KLHL5: variants seen among roughly 807,000 people sequenced by gnomAD.
KLHL5 encodes the protein kelch-like protein 5.
A neutral mutation model predicts 77.7 loss-of-function variants in KLHL5; 48 were observed. The ratio of observed to expected loss-of-function variants is 0.62; its 90% CI spans 0.49 to 0.79. The LOEUF (loss-of-function observed/expected upper bound fraction) is 0.79. Ranked by LOEUF, KLHL5 falls within the 30% of genes least tolerant of loss-of-function variation. KLHL5 has a pLI of 0.00. For missense variants in KLHL5, 723 were observed against 859.7 expected (o/e 0.84, Z 1.99); for synonymous variants, 260 against 297.0 (o/e 0.88, Z 1.28).
At chr4:39,140,338 T>G in the KLHL5 span, among the ~76,000 whole-genome samples, 1 of 152,206 alleles carries the variant, frequency 6.6e-6, no homozygotes, top group East Asian at 1.9e-4. Context: ...AATGGCTCTG[T>G]GAATTAGATG....
At chr4:39,114,205 G>C (rs28405689) in intron 9 of KLHL5, among the ~76,000 whole-genome samples, 1,878 of 152,244 alleles carry the variant, frequency 0.012, 48 homozygotes, top group African/African-American at 0.042. Flanking sequence ...CTCCAGGCTG[G>C]GAAGTTCAAG....
In KLHL5 at chr4:39,076,022, A is replaced by G. The variant is rs752771424; in HGVS notation, c.441A>G (p.Ser147=). The G allele has an allele frequency of 6.2e-7, 1 of 1,612,756 alleles. No homozygotes were observed. Among genetic ancestry groups the G allele is most frequent in the Non-Finnish European group, 8.5e-7 (1 of 1,179,622 alleles). ...SSCHTMEPCT[S]DEFFQALNHA... is the part of the protein sequence containing the mutation. ...GTCATACTATGGAGCCATGTACATC[A>G]GATGAATTTTTCCAAGCCCTTAATC... is the stretch of plus-strand genomic sequence containing the variant. Residue 147 remains serine (S), a synonymous_variant, in exon 2 of 11, where the codon TCA becomes TCG. Transcript: ENST00000504108.
At chr4:39,055,600 T>A (rs1445380258) in intron 1 of KLHL5, among the ~76,000 whole-genome samples, 1 of 152,178 alleles carries the variant, frequency 6.6e-6, no homozygotes, top group Non-Finnish European at 1.5e-5. Context: ...TTTAAAGGAA[T>A]GTATTTATTA....
At chr4:39,055,686 CAG>C (rs1318558765) in intron 1 of KLHL5, among the ~76,000 whole-genome samples, 1 of 152,168 alleles carries the variant, frequency 6.6e-6, no homozygotes, top group African/African-American at 2.4e-5. Flanking sequence ...TCACTGTACT[CAG>C]AGTTCCAGGT....
intron 1 of KLHL5, among the ~76,000 whole-genome samples, chr4:39,052,246 G>A (rs779001558): frequency 9.2e-5 from 14 of 151,710 alleles, no homozygotes; most frequent in African/African-American, 1.9e-4. Flanking sequence ...TCAGCCTCCC[G>A]AGTAGCAGAG....
chr4:39,067,287 T>C (rs192929664), intron 1 of KLHL5, among the ~76,000 whole-genome samples: 1 of 152,266 alleles, frequency 6.6e-6, no homozygotes, highest in East Asian at 1.9e-4. Flanking sequence ...CCTTACTCAG[T>C]TGAGATTTGT....
At chr4:39,072,882 A>G (rs1406287932) in intron 1 of KLHL5, among the ~76,000 whole-genome samples, 1 of 152,202 alleles carries the variant, frequency 6.6e-6, no homozygotes, top group Non-Finnish European at 1.5e-5. Flanking sequence ...GCCATTGCAC[A>G]GGAAGGTGAC....
intron 1 of KLHL5, among the ~76,000 whole-genome samples, chr4:39,051,332 T>G (rs1716626255): frequency 6.7e-6 from 1 of 149,918 alleles, no homozygotes; most frequent in African/African-American, 2.5e-5. Context: ...AGATTAACTA[T>G]GGGGAGATGG....
chr4:39,047,804 T>C (rs1212075066), intron 1 of KLHL5, among the ~76,000 whole-genome samples: 1 of 152,244 alleles, frequency 6.6e-6, no homozygotes, highest in Non-Finnish European at 1.5e-5. Flanking sequence ...ATTTGTACTG[T>C]TAATTTACTG....
chr4:39,129,634 A>T (rs1723724025), downstream of KLHL5, among the ~76,000 whole-genome samples: 1 of 152,160 alleles, frequency 6.6e-6, no homozygotes, highest in African/African-American at 2.4e-5. The surrounding 1 kb of genome is among the most constrained non-coding windows in gnomAD (Gnocchi z 4.2). Flanking sequence ...CCCAACAGAT[A>T]GTTTTTCAGC....
intron 1 of KLHL5, among the ~76,000 whole-genome samples, chr4:39,067,123 C>A (rs1402014175): frequency 6.6e-6 from 1 of 152,060 alleles, no homozygotes; most frequent in Non-Finnish European, 1.5e-5. Flanking sequence ...ACCTAATGCC[C>A]TTTTTCTGTT....
chr4:39,076,089 C>T lies in KLHL5; in HGVS notation c.508C>T (p.His170Tyr), dbSNP rs1340396822. 1.9e-6 allele frequency: 3 copies of T among 1,607,316 alleles called. No homozygotes were observed. The highest frequency in any genetic ancestry group is 2.5e-6 in the Non-Finnish European group (3 of 1,178,306). ...TFKKMENYLRHKQLCDVILVA... is the reference protein window; with the variant it reads ...TFKKMENYLRYKQLCDVILVA... ...TAAAAAAATGGAAAACTATTTGAGACATAAACAGTTGTGTGATGTAATTTT... is the reference window on the plus strand; with the variant it reads ...TAAAAAAATGGAAAACTATTTGAGATATAAACAGTTGTGTGATGTAATTTT... Residue 170 changes from histidine to tyrosine, a missense_variant, in exon 2 of 11, where the codon CAT (histidine) becomes TAT (tyrosine). Transcript: ENST00000504108.
At chr4:39,067,135 G>A (rs1047713962) in intron 1 of KLHL5, among the ~76,000 whole-genome samples, 5 of 151,932 alleles carry the variant, frequency 3.3e-5, no homozygotes, top group East Asian at 1.9e-4. Context: ...TTTTCTGTTC[G>A]AGGATCCTAT....
Position 39,107,659 on chromosome 4 carries a change from C to T in KLHL5, c.1616C>T (p.Ala539Val). 6.2e-7 allele frequency: 1 copy of T among 1,612,728 alleles called. No homozygotes were observed. The highest frequency in any genetic ancestry group is 8.5e-7 in the Non-Finnish European group (1 of 1,179,010). ...ACAGTGGAAAGATGGGACCCTCAGG[C>T]TCGCCAGTGGAATTTTGTTGCCACT... ...LNTVERWDPQ[A>V]RQWNFVATMS... The change falls in exon 8 of 11, where the codon GCT becomes GTT. Residue 539 changes from alanine to valine, a missense_variant. By Grantham distance (64) the Ala-to-Val change is moderately conservative (BLOSUM62 0). Around this residue, in one of 3 missense-constraint regions of KLHL5, gnomAD observed 214 missense variants for 237.4 expected, o/e 0.90. Coordinates refer to ENST00000504108, the MANE Select transcript of KLHL5 (RefSeq NM_015990.5).
chr4:39,108,911 G>A (rs774985000), intron 8 of KLHL5, among the ~76,000 whole-genome samples: 2 of 152,018 alleles, frequency 1.3e-5, no homozygotes, highest in East Asian at 1.9e-4. Flanking sequence ...CCTGATTTCC[G>A]GACCTACCGT....
chr4:39,076,238 T>C (rs1719027642), intron 2 of KLHL5, 91 bp downstream of exon 2: 3 of 1,137,312 alleles, frequency 2.6e-6, no homozygotes, highest in Non-Finnish European at 3.8e-6. Context: ...TTGACTATTA[T>C]GTTTTTGGGA....
At chr4:39,066,575 G>C (rs532227653) in intron 1 of KLHL5, among the ~76,000 whole-genome samples, 73 of 152,058 alleles carry the variant, frequency 4.8e-4, no homozygotes, top group African/African-American at 1.4e-3. Flanking sequence ...CTTACAATGG[G>C]GTATGTCCCA....
At chr4:39,137,026 GA>G in the KLHL5 span, among the ~76,000 whole-genome samples, 1 of 152,164 alleles carries the variant, frequency 6.6e-6, no homozygotes, top group East Asian at 1.9e-4. Flanking sequence ...GAAAATGAAA[GA>G]CAAGGTTTTC....
At chr4:39,102,097 A>G (rs1721626309) in intron 6 of KLHL5, among the ~76,000 whole-genome samples, 1 of 151,086 alleles carries the variant, frequency 6.6e-6, no homozygotes, top group Admixed American at 6.6e-5. Flanking sequence ...CTATATGTAT[A>G]ACACAACTAT....
Sources: allele counts gnomAD v4.1 joint callset (sites outside exome capture counted in the v4.1 genomes callset), GRCh38; gene constraint gnomAD v4.1.1; regional missense constraint gnomAD v4.1.1; non-coding constraint Gnocchi (gnomAD v3.1); transcripts MANE v1.5; gene names NCBI Gene and HGNC (gene_info 2026-07-23, HGNC 2026-07-21).